URGCP: variants seen among roughly 807,000 people sequenced by gnomAD.
URGCP encodes the protein upregulator of cell proliferation, also known as up-regulator of cell proliferation.
In URGCP, 13 loss-of-function variants were observed where a neutral mutation model predicts 24.6. The ratio of observed to expected loss-of-function variants is 0.53; its 90% CI spans 0.34 to 0.84. URGCP has a LOEUF of 0.84. Ranked by LOEUF, URGCP falls within the 40% of genes least tolerant of loss-of-function variation. URGCP has a pLI of 0.01. For missense variants in URGCP, 899 were observed against 1,194.3 expected, an observed-to-expected ratio of 0.75 and a Z score of 3.64; for synonymous variants, 444 against 487.2, an observed-to-expected ratio of 0.91 and a Z score of 1.17.
At chr7:43,923,140 T>C (rs1278268488) in intron 1 of URGCP, among the ~76,000 whole-genome samples, 1 of 151,994 alleles carries the variant, frequency 6.6e-6, no homozygotes, top group Non-Finnish European at 1.5e-5. Flanking sequence ...TGCACCACCA[T>C]GCCAAGCTGA....
At chr7:43,917,483 G>A (rs1007836831) in intron 1 of URGCP, among the ~76,000 whole-genome samples, 3 of 152,224 alleles carry the variant, frequency 2.0e-5, no homozygotes, top group Admixed American at 1.3e-4. Context: ...AGCGTGACCT[G>A]TAACCACATG....
At position 43,876,825 on chromosome 7, in the gene URGCP, C is replaced by T. The variant is rs1010442688; in HGVS notation, c.2638G>A (p.Gly880Ser). 1 of 1,614,094 alleles carries T rather than the reference C, an allele frequency of 6.2e-7. No homozygotes were observed. Among genetic ancestry groups the T allele is most frequent in the African/African-American group, 1.3e-5 (1 of 74,940 alleles). Reference protein sequence around the residue: ...PEKQHIWHIPGLWHGAPPMAA... With the variant: ...PEKQHIWHIPSLWHGAPPMAA... ...ATGGGAGGTGCTCCGTGCCACAGGCCTGGGATGTGCCAGATGTGCTGCTTC... is the reference window on the plus strand; with the variant it reads ...ATGGGAGGTGCTCCGTGCCACAGGCTTGGGATGTGCCAGATGTGCTGCTTC... Residue 880 changes from glycine (G) to serine (S), a missense_variant, in exon 6 of 6, where the codon GGC becomes AGC. By Grantham distance (56) the Gly-to-Ser change is moderately conservative. Coordinates refer to ENST00000453200, the MANE Select transcript of URGCP (RefSeq NM_001077663.3).
chr7:43,890,725 G>A (rs907954043), intron 1 of URGCP, among the ~76,000 whole-genome samples: 1 of 152,136 alleles, frequency 6.6e-6, no homozygotes, highest in Non-Finnish European at 1.5e-5. Context: ...CACCCTCAGG[G>A]TCCAGGGTGT....
intron 3 of URGCP, among the ~76,000 whole-genome samples, chr7:43,883,357 TATATA>T (rs1490931707): frequency 2.8e-4 from 28 of 100,956 alleles, no homozygotes; most frequent in African/African-American, 9.6e-4. Flanking sequence ...TATATATATA[TATATA>T]TTTTTTTTTT....
At chr7:43,883,342 ATATATATATATATATATATAT>A (rs1461251022) in intron 3 of URGCP, among the ~76,000 whole-genome samples, 7 of 97,180 alleles carry the variant, frequency 7.2e-5, no homozygotes, top group African/African-American at 3.7e-4. Flanking sequence ...ATATACATAT[ATATATATATATATATATATAT>A]TTTTTTTTTT....
chr7:43,898,746 AAAATAAAT>A (rs71563928), intron 1 of URGCP, among the ~76,000 whole-genome samples: 9,850 of 143,832 alleles, frequency 0.068, 446 homozygotes, highest in African/African-American at 0.12. Context: ...CCCTGTCTCA[AAAATAAAT>A]AAATAAATAA....
chr7:43,883,378 T>G (rs1386032773), intron 3 of URGCP, among the ~76,000 whole-genome samples: 1 of 137,264 alleles, frequency 7.3e-6, no homozygotes, highest in Non-Finnish European at 1.6e-5. Flanking sequence ...TTTTTTTTTT[T>G]GAGATGGAGT....
chr7:43,882,580 C>T (rs2095855598), intron 3 of URGCP, among the ~76,000 whole-genome samples: 1 of 151,244 alleles, frequency 6.6e-6, no homozygotes, highest in Non-Finnish European at 1.5e-5. Context: ...TGCATTCCAG[C>T]GTGGGCATCA....
rs1422870365 is a variant in URGCP, at chr7:43,878,981, G to C, written c.482C>G (p.Ala161Gly). The C allele has an allele frequency of 2.5e-6, 4 of 1,614,120 alleles. No individual in the cohort carries two copies. Among genetic ancestry groups the C allele is most frequent in the African/African-American group, 1.3e-5 (1 of 74,926 alleles). The change falls in exon 6 of 6, where the codon GCT becomes GGT. Residue 161 changes from alanine (A) to glycine (G), a missense_variant. Physicochemically the swap from Ala to Gly is moderately conservative, Grantham distance 60. Coordinates refer to ENST00000453200, the MANE Select transcript of URGCP (RefSeq NM_001077663.3). This position sits in a 1 kb window ranked among gnomAD's most constrained non-coding sequence, Gnocchi z 5.6. ...MEEEIIYWDP[A>G]DDLAADIYSF... ...ATAAATGTCGGCAGCAAGGTCATCA[G>C]CTGGGTCCCAGTAGATGATCTCCTC...
At chr7:43,912,695 C>T (rs2095911263) in intron 1 of URGCP, among the ~76,000 whole-genome samples, 2 of 152,144 alleles carry the variant, frequency 1.3e-5, no homozygotes. Context: ...TCCAATTCAA[C>T]CCATCAACAT....
chr7:43,924,899 C>G (rs2095927003), intron 1 of URGCP, among the ~76,000 whole-genome samples: 1 of 152,142 alleles, frequency 6.6e-6, no homozygotes, highest in African/African-American at 2.4e-5. Context: ...GCTGGGACTA[C>G]AGGTGCACAC....
At chr7:43,903,758 C>A (rs776047477) in intron 1 of URGCP, among the ~76,000 whole-genome samples, 3 of 152,174 alleles carry the variant, frequency 2.0e-5, no homozygotes, top group Non-Finnish European at 4.4e-5. Context: ...AAGGGACCCC[C>A]AGAAGCCCAT....
chr7:43,882,193 C>T (rs1330050073), intron 3 of URGCP: 4 of 429,644 alleles, frequency 9.3e-6, no homozygotes, highest in Non-Finnish European at 1.5e-5. Context: ...AATCTCAGCA[C>T]TTTGGGAGCC....
intron 1 of URGCP, among the ~76,000 whole-genome samples, chr7:43,899,111 G>T (rs2095884792): frequency 4.0e-5 from 6 of 148,844 alleles, no homozygotes; most frequent in Admixed American, 4.0e-4. Context: ...TCCAGCCTGG[G>T]CAACAGAGTG....
chr7:43,899,755 C>A (rs1429229782), intron 1 of URGCP, among the ~76,000 whole-genome samples: 1 of 152,070 alleles, frequency 6.6e-6, no homozygotes, highest in Non-Finnish European at 1.5e-5. Flanking sequence ...AAGGTAGGTC[C>A]CTACCACTTC....
Position 43,879,183 on chromosome 7 carries a change from C to G in URGCP, c.280G>C (p.Asp94His). 6.2e-7 allele frequency: 1 copy of G among 1,613,980 alleles called. No individual in the cohort carries two copies. Among genetic ancestry groups the G allele is most frequent in the Non-Finnish European group, 8.5e-7 (1 of 1,180,034 alleles). Reference sequence around the variant, plus strand: ...CTGTCAAAACTGATCTGCAGAGAGTCCTGGAGGCTGAGTTTCTGGACCTGG... The same window carrying G: ...CTGTCAAAACTGATCTGCAGAGAGTGCTGGAGGCTGAGTTTCTGGACCTGG... ...TYQVQKLSLQ[D>H]SLQISFDSMK... Residue 94 changes from aspartate to histidine, a missense_variant, in exon 6 of 6, where the codon GAC becomes CAC. Transcript: ENST00000453200.
chr7:43,921,122 C>A (rs368147986), intron 1 of URGCP, among the ~76,000 whole-genome samples: 1 of 152,090 alleles, frequency 6.6e-6, no homozygotes, highest in Non-Finnish European at 1.5e-5. Flanking sequence ...GTCAGGAGAT[C>A]GAGACCATCT....
chr7:43,877,275 T>C lies in URGCP; in HGVS notation c.2188A>G (p.Met730Val), dbSNP rs753263133. Residue 730 changes from methionine (M) to valine (V), a missense_variant, in exon 6 of 6, where the codon ATG becomes GTG. Transcript: ENST00000453200. Reference sequence around the variant, plus strand: ...CCCTCAGCCACTGTGATGAGCTGCATGAAGGCCCCTCGAGGACCGCAGCTC... The same window carrying C: ...CCCTCAGCCACTGTGATGAGCTGCACGAAGGCCCCTCGAGGACCGCAGCTC... ...GKSCGPRGAF[M>V]QLITVAEGFS... 1 of 1,613,848 alleles carries C rather than the reference T, an allele frequency of 6.2e-7. No homozygotes were observed. Among genetic ancestry groups the C allele is most frequent in the Admixed American group, 1.7e-5 (1 of 60,008 alleles).
At chr7:43,897,861 T>C (rs556658242) in intron 1 of URGCP, among the ~76,000 whole-genome samples, 1 of 152,322 alleles carries the variant, frequency 6.6e-6, no homozygotes, top group Admixed American at 6.5e-5. Context: ...TGCAACAGAC[T>C]GCACAAAGTG....
Sources: allele counts gnomAD v4.1 joint callset (sites outside exome capture counted in the v4.1 genomes callset), GRCh38; gene constraint gnomAD v4.1.1; non-coding constraint Gnocchi (gnomAD v3.1); transcripts MANE v1.5; gene names NCBI Gene and HGNC (gene_info 2026-07-23, HGNC 2026-07-21).